The following EPCAM variants were observed in gnomAD, a reference collection of about 807,000 sequenced individuals.
EPCAM encodes the protein adenocarcinoma-associated antigen.
In EPCAM, 39 loss-of-function variants were observed where a neutral mutation model predicts 40.0. That is an observed-to-expected ratio of 0.98 (90% CI 0.76 to 1.27). The LOEUF is 1.27. EPCAM is among the 50% of genes most tolerant of loss of function. The pLI, the probability that EPCAM is intolerant of heterozygous loss-of-function variation, is 0.00. For missense variants in EPCAM, 503 were observed against 381.2 expected, an observed-to-expected ratio of 1.32 and a Z score of -2.66; for synonymous variants, 168 against 132.3, an observed-to-expected ratio of 1.27 and a Z score of -1.85.
At chr2:47,375,750 G>A (rs1433547175) in intron 4 of EPCAM, among the ~76,000 whole-genome samples, 1 of 149,506 alleles carries the variant, frequency 6.7e-6, no homozygotes, top group Admixed American at 6.7e-5. Flanking sequence ...CTGTCACCCA[G>A]GCTGGCGTGC....
At chr2:47,378,395 AG>A (rs1343654858) in intron 5 of EPCAM, among the ~76,000 whole-genome samples, 1 of 143,224 alleles carries the variant, frequency 7.0e-6, no homozygotes, top group Non-Finnish European at 1.5e-5. Context: ...TTTGCCTCCC[AG>A]GTTCAAGCGA....
intron 1 of EPCAM, among the ~76,000 whole-genome samples, chr2:47,373,038 T>C (rs1671317713): frequency 6.6e-6 from 1 of 150,684 alleles, no homozygotes; most frequent in African/African-American, 2.4e-5. Flanking sequence ...AAACCCCGTA[T>C]CTACAAAAAG....
At chr2:47,377,614 C>A in intron 5 of EPCAM, 2 of 279,790 alleles carry the variant, frequency 7.1e-6, no homozygotes, top group Non-Finnish European at 1.5e-5. Flanking sequence ...AACGTAGTAT[C>A]TCTTAGTATC....
chr2:47,370,502 C>T (rs1420302588), intron 1 of EPCAM, among the ~76,000 whole-genome samples: 1 of 151,850 alleles, frequency 6.6e-6, no homozygotes, highest in Admixed American at 6.6e-5. Context: ...GTCTCTAACT[C>T]CTGAGCTCGT....
chr2:47,379,672 G>T (rs2103758404), intron 6 of EPCAM, 97 bp from the exon 7 acceptor site: 1 of 1,344,152 alleles, frequency 7.4e-7, no homozygotes. Flanking sequence ...AAGATTCTTG[G>T]CAGCGGTTCT....
At chr2:47,369,900 G>A (rs940812393) in intron 1 of EPCAM, 3 of 460,630 alleles carry the variant, frequency 6.5e-6, no homozygotes, top group South Asian at 5.8e-5. Context: ...CCGGTGCCTC[G>A]CGCCCTGGCG....
At position 47,379,852 on chromosome 2, in the gene EPCAM, T is replaced by C. The variant is rs779056963; in HGVS notation, c.741T>C (p.Thr247=). The C allele has an allele frequency of 6.8e-6, 11 of 1,614,010 alleles. No homozygotes were observed. Among genetic ancestry groups the C allele is most frequent in the South Asian group, 1.1e-5 (1 of 91,086 alleles). Residue 247 remains threonine (T), a synonymous_variant, in exon 7 of 9, where the codon ACT becomes ACC. Coordinates refer to ENST00000263735, the MANE Select transcript of EPCAM (RefSeq NM_002354.3). ...GEQLDLDPGQ[T]LIYYVDEKAP... ...AACTGGATCTGGATCCTGGTCAAAC[T>C]TTAATTTATTATGTTGATGAAAAAG...
At chr2:47,376,588 G>T (rs1658320056) in intron 4 of EPCAM, among the ~76,000 whole-genome samples, 1 of 152,122 alleles carries the variant, frequency 6.6e-6, no homozygotes, top group Non-Finnish European at 1.5e-5. Context: ...CTAAAAGCAG[G>T]TTATGCATTT....
chr2:47,376,935 G>C lies in EPCAM; in HGVS notation c.492-79G>C, dbSNP rs1671442100. ...TAATGACAGTTTTAGACCCTGAGCT[G>C]TCTGCTTAAAGAGTAGTGCTTCTTA... is the stretch of plus-strand genomic sequence containing the variant. On this transcript the variant is annotated intron_variant, in intron 4 of 8. Coordinates refer to ENST00000263735, the MANE Select transcript of EPCAM (RefSeq NM_002354.3). The C allele has an allele frequency of 5.3e-6, 5 of 943,646 alleles. No individual in the cohort carries two copies. In the South Asian group the frequency reaches 6.6e-5, roughly 12 times the overall value. 58.5% of individuals were successfully genotyped at this position (943,646 alleles called of 1,614,324 possible). A position where few individuals can be genotyped will look rare whatever the true frequency, so the allele number is the denominator to read the frequency against.
chr2:47,377,139 A>G lies in EPCAM; in HGVS notation c.555+62A>G, dbSNP rs115536548. 2,772 of 1,097,900 alleles carry G rather than the reference A, an allele frequency of 2.5e-3. 46 individuals are homozygous for G. In the African/African-American group the frequency reaches 0.032, roughly 13 times the overall value. 68.0% of individuals were successfully genotyped at this position (1,097,900 alleles called of 1,614,324 possible). A position where few individuals can be genotyped will look rare whatever the true frequency, so the allele number is the denominator to read the frequency against. On this transcript the variant is annotated intron_variant, in intron 5 of 8. Coordinates refer to ENST00000263735, the MANE Select transcript of EPCAM (RefSeq NM_002354.3). ...TGGTGAGACAGTATGTTTTGAGTAT[A>G]AGGACAGCCAGTGATTTAAGTGGTG...
chr2:47,382,092 T>C (rs1207908758), intron 7 of EPCAM, among the ~76,000 whole-genome samples: 1 of 152,084 alleles, frequency 6.6e-6, no homozygotes, highest in Non-Finnish European at 1.5e-5. Context: ...TTTGGCTTCA[T>C]TAAAATTAAG....
rs1237227676 is a variant in EPCAM, at chr2:47,369,534, G to T, written c.29G>T (p.Gly10Val). The T allele has an allele frequency of 6.3e-7, 1 of 1,580,680 alleles. No homozygotes were observed. Among genetic ancestry groups the T allele is most frequent in the Non-Finnish European group, 8.6e-7 (1 of 1,168,300 alleles). Residue 10 changes from glycine (G) to valine (V), a missense_variant, in exon 1 of 9, where the codon GGG becomes GTG. Gly to Val is a moderately radical substitution (Grantham distance 109, BLOSUM62 -3). Coordinates refer to ENST00000263735, the MANE Select transcript of EPCAM (RefSeq NM_002354.3). Reference protein sequence around the residue: MAPPQVLAFGLLLAAATATF... With the variant: MAPPQVLAFVLLLAAATATF... ...GCGCCCCCGCAGGTCCTCGCGTTCGGGCTTCTGCTTGCCGCGGCGACGGCG... is the reference window on the plus strand; with the variant it reads ...GCGCCCCCGCAGGTCCTCGCGTTCGTGCTTCTGCTTGCCGCGGCGACGGCG...
chr2:47,379,844 G>T lies in EPCAM; in HGVS notation c.733G>T (p.Gly245Cys). ...TGGGGAACAACTGGATCTGGATCCT[G>T]GTCAAACTTTAATTTATTATGTTGA... is the stretch of plus-strand genomic sequence containing the variant. ...VNGEQLDLDP[G>C]QTLIYYVDEK... Residue 245 changes from glycine (G) to cysteine (C), a missense_variant, in exon 7 of 9, where the codon GGT becomes TGT. Coordinates refer to ENST00000263735, the MANE Select transcript of EPCAM (RefSeq NM_002354.3). The T allele has an allele frequency of 6.2e-7, 1 of 1,614,020 alleles. No individual in the cohort carries two copies. The highest frequency in any genetic ancestry group is 8.5e-7 in the Non-Finnish European group (1 of 1,180,002).
intron 8 of EPCAM, among the ~76,000 whole-genome samples, 165 bp from the exon 9 acceptor site, chr2:47,386,407 C>A (rs1396643775): frequency 6.6e-6 from 1 of 152,042 alleles, no homozygotes. Context: ...ATGTGTGTTT[C>A]CTTGCAATAT....
At chr2:47,376,254 C>CTCT (rs1671422648) in intron 4 of EPCAM, among the ~76,000 whole-genome samples, 2 of 128,342 alleles carry the variant, frequency 1.6e-5, no homozygotes, top group Admixed American at 7.9e-5. Context: ...ATATTTCCTC[C>CTCT]TTTTTTTTTT....
At position 47,377,018 on chromosome 2, in the gene EPCAM, C is replaced by A. The variant is rs587780768; in HGVS notation, c.496C>A (p.Leu166Ile). Residue 166 changes from leucine (L) to isoleucine (I), a missense_variant, in exon 5 of 9, where the codon CTT becomes ATT. Transcript: ENST00000263735. ...CAGATTTTAAATTCTTTACAGTGCA[C>A]TTCAGAAGGAGATCACAACGCGTTA... ...PYDSKSLRTA[L>I]QKEITTRYQL... The A allele has an allele frequency of 1.9e-6, 3 of 1,604,752 alleles. No homozygotes were observed. In the African/African-American group the frequency reaches 4.0e-5, roughly 22 times the overall value.
At chr2:47,376,359 C>T (rs535995253) in intron 4 of EPCAM, among the ~76,000 whole-genome samples, 17 of 150,646 alleles carry the variant, frequency 1.1e-4, no homozygotes, top group Middle Eastern at 3.4e-3. Flanking sequence ...CGGATTCAAG[C>T]GATTCTCCTG....
At chr2:47,372,747 G>C (rs902653647) in intron 1 of EPCAM, among the ~76,000 whole-genome samples, 1 of 151,962 alleles carries the variant, frequency 6.6e-6, no homozygotes, top group Non-Finnish European at 1.5e-5. Context: ...AATCCAGCCT[G>C]CACGACAGAG....
chr2:47,386,505 AT>A, intron 8 of EPCAM, 66 bp from the exon 9 acceptor site: 1 of 1,208,386 alleles, frequency 8.3e-7, no homozygotes, highest in East Asian at 2.4e-5. Context: ...ATTTAATACT[AT>A]TTTCAGAATG....
Sources: allele counts gnomAD v4.1 joint callset (sites outside exome capture counted in the v4.1 genomes callset), GRCh38; gene constraint gnomAD v4.1.1; transcripts MANE v1.5; gene names NCBI Gene and HGNC (gene_info 2026-07-23, HGNC 2026-07-21).